Variants in TMEM45A observed in about 807,000 individuals in gnomAD.
TMEM45A encodes the protein DNA polymerase-transactivated protein 4.
A neutral mutation model predicts 32.0 loss-of-function variants in TMEM45A; 25 were observed. The observed-to-expected ratio is 0.78, with a 90% CI of 0.57 to 1.09. The LOEUF is 1.09. TMEM45A is among the 50% of genes least tolerant of loss of function. The pLI, the probability that TMEM45A is intolerant of heterozygous loss-of-function variation, is 0.00. For missense variants in TMEM45A, 302 were observed against 325.0 expected, an observed-to-expected ratio of 0.93 and a Z score of 0.54; for synonymous variants, 122 against 114.8, an observed-to-expected ratio of 1.06 and a Z score of -0.40.
chr3:100,524,075 C>T (rs1705493945), intron 1 of TMEM45A, among the ~76,000 whole-genome samples: 1 of 152,214 alleles, frequency 6.6e-6, no homozygotes, highest in Non-Finnish European at 1.5e-5. Context: ...AGGAGAATGT[C>T]TGTGGGATTC....
chr3:100,513,903 G>A (rs1319294323), intron 1 of TMEM45A, among the ~76,000 whole-genome samples: 1 of 151,910 alleles, frequency 6.6e-6, no homozygotes, highest in Admixed American at 6.6e-5. Flanking sequence ...AAAATACCTA[G>A]GAATCCAACT....
At chr3:100,541,259 G>A (rs995907300) in intron 1 of TMEM45A, among the ~76,000 whole-genome samples, 5 of 151,902 alleles carry the variant, frequency 3.3e-5, no homozygotes, top group East Asian at 1.9e-4. Context: ...GTGAAAATTC[G>A]CTCCCATTCT....
At chr3:100,504,264 G>A (rs1708050683) in intron 1 of TMEM45A, among the ~76,000 whole-genome samples, 1 of 149,516 alleles carries the variant, frequency 6.7e-6, no homozygotes, top group African/African-American at 2.5e-5. Context: ...AAAAAAAAAA[G>A]TCTTGCTTGG....
chr3:100,517,531 T>C (rs1385161306), intron 1 of TMEM45A, among the ~76,000 whole-genome samples: 1 of 152,262 alleles, frequency 6.6e-6, no homozygotes, highest in African/African-American at 2.4e-5. Flanking sequence ...TCCTTTTCCA[T>C]GTGTTAGTTA....
chr3:100,550,042 T>A, intron 1 of TMEM45A, among the ~76,000 whole-genome samples: 1 of 83,638 alleles, frequency 1.2e-5, no homozygotes. Context: ...CTGGGGACTG[T>A]GGTGGGGTGG....
intron 1 of TMEM45A, 61 bp from the exon 2 acceptor site, chr3:100,555,148 G>A (rs1189688438): frequency 3.5e-6 from 5 of 1,428,278 alleles, no homozygotes; most frequent in Non-Finnish European, 4.8e-6. Flanking sequence ...AACAAGTGAT[G>A]TTTTGTCCAG....
At chr3:100,516,596 C>G (rs191653204) in intron 1 of TMEM45A, among the ~76,000 whole-genome samples, 4 of 152,156 alleles carry the variant, frequency 2.6e-5, no homozygotes, top group Non-Finnish European at 5.9e-5. Context: ...TTCCTTTTCT[C>G]CCCAGACTCA....
chr3:100,516,893 C>T (rs1473389528), intron 1 of TMEM45A, among the ~76,000 whole-genome samples: 1 of 151,860 alleles, frequency 6.6e-6, no homozygotes, highest in Non-Finnish European at 1.5e-5. Flanking sequence ...ATATCCTCTC[C>T]CTGGCATGAG....
chr3:100,500,461 A>G (rs1707993811), intron 1 of TMEM45A, among the ~76,000 whole-genome samples: 1 of 152,172 alleles, frequency 6.6e-6, no homozygotes, highest in Non-Finnish European at 1.5e-5. Context: ...GTATTGGGTT[A>G]CATTTGTTGA....
intron 1 of TMEM45A, among the ~76,000 whole-genome samples, chr3:100,540,038 C>T (rs1434490950): frequency 6.6e-6 from 1 of 152,020 alleles, no homozygotes; most frequent in Non-Finnish European, 1.5e-5. Context: ...TCTAGTTGCT[C>T]TTGGGTGTGG....
intron 1 of TMEM45A, among the ~76,000 whole-genome samples, chr3:100,534,150 A>AT (rs1214477076): frequency 3.9e-5 from 6 of 152,106 alleles, no homozygotes; most frequent in Non-Finnish European, 7.4e-5. Context: ...CGATTTAAAA[A>AT]TTTTTTTGTT....
intron 1 of TMEM45A, among the ~76,000 whole-genome samples, chr3:100,499,177 G>A (rs1156788926): frequency 6.6e-6 from 1 of 152,054 alleles, no homozygotes; most frequent in Non-Finnish European, 1.5e-5. Context: ...GTCTTTTGAT[G>A]CATAACAGTT....
intron 1 of TMEM45A, among the ~76,000 whole-genome samples, chr3:100,526,591 T>C (rs1705550073): frequency 6.6e-6 from 1 of 152,220 alleles, no homozygotes; most frequent in African/African-American, 2.4e-5. Flanking sequence ...AGGCTAAAAG[T>C]AATTTGTATC....
At chr3:100,514,010 A>C (rs1046401210) in intron 1 of TMEM45A, among the ~76,000 whole-genome samples, 2 of 152,240 alleles carry the variant, frequency 1.3e-5, no homozygotes, top group Non-Finnish European at 2.9e-5. Context: ...TTCCATGTTC[A>C]TGGGTAGGAA....
At chr3:100,539,357 G>A (rs1175753681) in intron 1 of TMEM45A, among the ~76,000 whole-genome samples, 1 of 151,812 alleles carries the variant, frequency 6.6e-6, no homozygotes. Flanking sequence ...GAAAAAATAA[G>A]TCTTTTTAAC....
intron 1 of TMEM45A, among the ~76,000 whole-genome samples, chr3:100,527,105 T>A (rs1705558852): frequency 6.6e-6 from 1 of 152,218 alleles, no homozygotes; most frequent in South Asian, 2.1e-4. Flanking sequence ...CCTTTCTTTC[T>A]ATTGATCTCT....
At chr3:100,576,082 G>A (rs1254195508) in intron 5 of TMEM45A, among the ~76,000 whole-genome samples, 2 of 152,066 alleles carry the variant, frequency 1.3e-5, no homozygotes, top group African/African-American at 4.8e-5. Context: ...GGAGGCTGAG[G>A]CGGTCAGATC....
intron 1 of TMEM45A, among the ~76,000 whole-genome samples, chr3:100,517,363 G>T (rs1708280435): frequency 6.6e-6 from 1 of 152,154 alleles, no homozygotes; most frequent in South Asian, 2.1e-4. Flanking sequence ...TGGGATTATA[G>T]GCATAAGCCA....
chr3:100,562,261 C>T (rs1359208489), intron 4 of TMEM45A, among the ~76,000 whole-genome samples: 4 of 151,088 alleles, frequency 2.6e-5, no homozygotes, highest in East Asian at 1.9e-4. Context: ...TAAATTAAGA[C>T]GACAAATAAA....
Sources: gnomAD v4.1 joint callset for allele counts (sites outside exome capture counted in the v4.1 genomes callset) on GRCh38, gnomAD v4.1.1 for gene constraint, MANE v1.5 for transcripts, NCBI Gene and HGNC (gene_info 2026-07-23, HGNC 2026-07-21) for gene names.